The following MYO18B variants were observed in gnomAD, a reference collection of about 807,000 sequenced individuals.
The protein encoded by MYO18B is unconventional myosin-XVIIIb.
In MYO18B, 204 loss-of-function variants were observed where a neutral mutation model predicts 273.0. The observed-to-expected ratio is 0.75, with a 90% confidence interval of 0.67 to 0.84. The LOEUF (loss-of-function observed/expected upper bound fraction) is 0.84, where lower values mean the gene tolerates loss of function less well. MYO18B is among the 40% of genes least tolerant of loss of function. MYO18B has a pLI of 0.00. For synonymous variants in MYO18B, 1,330 were observed against 1,305.7 expected, an observed-to-expected ratio of 1.02 and a Z score of -0.40; for missense variants, 3,212 against 3,287.6, an observed-to-expected ratio of 0.98 and a Z score of 0.56.
chr22:25,921,343 T>C lies in MYO18B; in HGVS notation c.5451T>C (p.Leu1817=), dbSNP rs955785408. 3 of 1,588,430 alleles carry C rather than the reference T, an allele frequency of 1.9e-6. No homozygotes were observed. The highest frequency in any genetic ancestry group is 2.6e-6 in the Non-Finnish European group (3 of 1,167,396). ...CACTGTTGTCAGACGTGCAGCTCCT[T>C]CTGGGCACCATGGAGGATGGCAAGA... ...THALLSDVQL[L]LGTMEDGKTS... Residue 1817 remains leucine (L), a synonymous_variant, in exon 34 of 44, where the codon CTT becomes CTC. Transcript: ENST00000335473.
At chr22:25,847,130 G>A (rs759937867) in intron 19 of MYO18B, among the ~76,000 whole-genome samples, 18 of 151,964 alleles carry the variant, frequency 1.2e-4, no homozygotes, top group Non-Finnish European at 1.9e-4. Flanking sequence ...CTCCTAGTGC[G>A]TTATAGTGGA....
At chr22:25,757,458 G>A (rs1351036362) in intron 1 of MYO18B, among the ~76,000 whole-genome samples, 3 of 151,898 alleles carry the variant, frequency 2.0e-5, no homozygotes, top group Non-Finnish European at 4.4e-5. Flanking sequence ...GTGGTGGCAC[G>A]TGCCTGTAGT....
rs1208692191 is a variant in MYO18B, at chr22:25,768,264, C to T, written c.348C>T (p.Asp116=). ...AGAGCGAGGGGTCCCGCAGCCCCGA[C>T]CCTGAGCAGATGACAAGCATCAATG... is the stretch of plus-strand genomic sequence containing the variant. ...GKESEGSRSP[D]PEQMTSINGE... Residue 116 remains aspartate (D), a synonymous_variant, in exon 4 of 44, where the codon GAC becomes GAT. Coordinates refer to ENST00000335473, the MANE Select transcript of MYO18B (RefSeq NM_032608.7). 18 of 1,613,990 alleles carry T rather than the reference C, an allele frequency of 1.1e-5. No individual in the cohort carries two copies. Among genetic ancestry groups the T allele is most frequent in the East Asian group, 2.2e-5 (1 of 44,860 alleles).
intron 28 of MYO18B, chr22:25,895,504 G>A (rs1442424300): frequency 4.3e-6 from 2 of 462,534 alleles, no homozygotes; most frequent in African/African-American, 2.0e-5. Flanking sequence ...CTGCTCTGTG[G>A]TGTAAAGAAC....
intron 21 of MYO18B, among the ~76,000 whole-genome samples, chr22:25,852,472 C>G (rs1226382183): frequency 6.6e-6 from 1 of 152,212 alleles, no homozygotes; most frequent in African/African-American, 2.4e-5. Flanking sequence ...CTTTCTCCAA[C>G]TACACCGTAA....
intron 34 of MYO18B, among the ~76,000 whole-genome samples, chr22:25,937,513 A>G (rs2092593954): frequency 6.6e-6 from 1 of 151,856 alleles, no homozygotes; most frequent in East Asian, 1.9e-4. Flanking sequence ...CTGTCTTAAG[A>G]TATTCTCCCC....
chr22:25,747,466 C>T (rs2085815234), intron 1 of MYO18B, among the ~76,000 whole-genome samples: 1 of 152,208 alleles, frequency 6.6e-6, no homozygotes, highest in Non-Finnish European at 1.5e-5. Context: ...GGCACTCAGC[C>T]ACGAGGCCCA....
the MYO18B span, among the ~76,000 whole-genome samples, chr22:26,060,281 C>T: frequency 3.3e-5 from 5 of 152,342 alleles, no homozygotes; most frequent in African/African-American, 1.2e-4. Context: ...AGACCAAATA[C>T]CCTGAATGGC....
chr22:26,005,524 A>G lies in MYO18B; in HGVS notation c.6470+669A>G, dbSNP rs149696814. ...ATTCACCCTTAGTTGCACAGTTTCT[A>G]TCATCCATCTTCCTTCTTGCTTTTC... is the stretch of plus-strand genomic sequence containing the variant. On this transcript the variant is annotated intron_variant, in intron 42 of 43. Transcript: ENST00000335473. Among the ~76,000 whole-genome samples, 896 of 152,346 alleles carry G rather than the reference A, an allele frequency of 5.9e-3. 4 individuals are homozygous for G. Among genetic ancestry groups the G allele is most frequent in the Non-Finnish European group, 9.7e-3 (662 of 68,034 alleles).
chr22:25,964,484 T>C (rs1384763161), intron 39 of MYO18B, among the ~76,000 whole-genome samples: 34 of 152,190 alleles, frequency 2.2e-4, no homozygotes, highest in Admixed American at 2.2e-3. Context: ...ATTAATAATA[T>C]ATGTTAATAT....
intron 30 of MYO18B, 69 bp from the exon 31 acceptor site, chr22:25,903,562 A>G (rs1325632268): frequency 1.3e-6 from 2 of 1,482,806 alleles, no homozygotes; most frequent in East Asian, 4.9e-5. Context: ...TTGGTTGTAG[A>G]GGTATCCCTG....
chr22:25,989,192 A>C (rs941798788), intron 39 of MYO18B, among the ~76,000 whole-genome samples: 1 of 152,172 alleles, frequency 6.6e-6, no homozygotes, highest in African/African-American at 2.4e-5. Flanking sequence ...GTCTCAGCAC[A>C]TGTGACTTAA....
intron 33 of MYO18B, among the ~76,000 whole-genome samples, chr22:25,917,555 T>TGTGTGC (rs2092280849): frequency 6.6e-6 from 1 of 151,114 alleles, no homozygotes; most frequent in African/African-American, 2.4e-5. Context: ...GGTGTGTGTG[T>TGTGTGC]GTGTGTGTGT....
chr22:25,915,329 C>T (rs1035907375), intron 33 of MYO18B, among the ~76,000 whole-genome samples: 30 of 152,274 alleles, frequency 2.0e-4, no homozygotes, highest in African/African-American at 6.3e-4. Flanking sequence ...CAAACCTAAA[C>T]GGGATAGCCT....
intron 33 of MYO18B, among the ~76,000 whole-genome samples, chr22:25,911,488 C>T (rs1458630307): frequency 6.6e-6 from 1 of 152,218 alleles, no homozygotes; most frequent in Non-Finnish European, 1.5e-5. Flanking sequence ...AGCTAGTTAA[C>T]AGCTCTGAGC....
At chr22:25,874,231 A>G in intron 22 of MYO18B, 55 bp from the exon 23 acceptor site, 1 of 1,593,436 alleles carries the variant, frequency 6.3e-7, no homozygotes, top group Non-Finnish European at 8.6e-7. Flanking sequence ...GCACCCCCCC[A>G]TTGTAGACAG....
At chr22:25,981,679 T>C (rs2093150103) in intron 39 of MYO18B, among the ~76,000 whole-genome samples, 1 of 152,180 alleles carries the variant, frequency 6.6e-6, no homozygotes, top group Admixed American at 6.5e-5. Context: ...CAGGAGTTTG[T>C]GGCTGCAGTG....
intron 34 of MYO18B, among the ~76,000 whole-genome samples, chr22:25,931,892 T>A (rs1053067163): frequency 2.0e-5 from 3 of 151,426 alleles, no homozygotes; most frequent in South Asian, 2.1e-4. Context: ...TCCAGCTAAT[T>A]TTTGTTGTTG....
chr22:25,798,401 A>T lies in MYO18B; in HGVS notation c.2521+304A>T, dbSNP rs1420486894. Among the ~76,000 whole-genome samples, 16 of 152,278 alleles carry T rather than the reference A, an allele frequency of 1.1e-4. No homozygotes were observed. The South Asian group carries it at 2.5e-3, about 24-fold the overall frequency. On this transcript the variant is annotated intron_variant, in intron 12 of 43. Transcript: ENST00000335473. ...CTGAACACTTATATATAGTAGTGCG[A>T]CTGAGGAATTGAATTTTTAATTGTA...
Sources: allele counts gnomAD v4.1 joint callset (sites outside exome capture counted in the v4.1 genomes callset), GRCh38; gene constraint gnomAD v4.1.1; transcripts MANE v1.5; gene names NCBI Gene and HGNC (gene_info 2026-07-23, HGNC 2026-07-21).